SENP5: variants seen among roughly 807,000 people sequenced by gnomAD.
The protein encoded by SENP5 is SUMO specific peptidase 5.
SENP5 carries 21 observed loss-of-function variants against 74.2 expected under a neutral mutation model. That is an observed-to-expected ratio of 0.28 (90% CI 0.20 to 0.41). The LOEUF is 0.41. Among genes scored for constraint, SENP5 ranks in the 10% least tolerant of loss-of-function variants. SENP5 has a pLI of 1.00. For synonymous variants in SENP5, 311 were observed against 312.7 expected (o/e 0.99, Z 0.06); for missense variants, 717 against 889.1 (o/e 0.81, Z 2.46).
intron 2 of SENP5, among the ~76,000 whole-genome samples, chr3:196,899,066 G>A (rs1714587593): frequency 7.3e-6 from 1 of 137,874 alleles, no homozygotes; most frequent in African/African-American, 2.8e-5. Context: ...GCAACAGAGC[G>A]AGACGCCATC....
At chr3:196,900,163 G>T (rs1714639513) in intron 4 of SENP5, 101 bp downstream of exon 4, 1 of 1,443,492 alleles carries the variant, frequency 6.9e-7, no homozygotes, top group African/African-American at 1.4e-5. Flanking sequence ...TTGGAATAAG[G>T]ATTCTTCATT....
chr3:196,930,742 A>G (rs1716004454), intron 9 of SENP5, 71 bp from the exon 10 acceptor site: 2 of 972,850 alleles, frequency 2.1e-6, no homozygotes, highest in Non-Finnish European at 3.4e-6. Context: ...GTCTGCATTT[A>G]GTAAAACAGA....
At chr3:196,915,336 A>G (rs568930221) in intron 6 of SENP5, among the ~76,000 whole-genome samples, 1 of 152,282 alleles carries the variant, frequency 6.6e-6, no homozygotes, top group South Asian at 2.1e-4. Flanking sequence ...CGGAGAGGAA[A>G]GAGTACAGAA....
intron 6 of SENP5, among the ~76,000 whole-genome samples, chr3:196,911,100 C>T (rs1715105507): frequency 6.6e-6 from 1 of 152,122 alleles, no homozygotes; most frequent in Admixed American, 6.5e-5. Context: ...TTGTAAAACA[C>T]AAAATCGTAA....
chr3:196,871,681 C>T (rs1006792583), intron 1 of SENP5, among the ~76,000 whole-genome samples: 3 of 151,704 alleles, frequency 2.0e-5, no homozygotes, highest in Non-Finnish European at 4.4e-5. Context: ...ATAATGAGAC[C>T]CCATCTCTAC....
At chr3:196,870,972 AGCCTG>A (rs1713190183) in intron 1 of SENP5, among the ~76,000 whole-genome samples, 1 of 149,888 alleles carries the variant, frequency 6.7e-6, no homozygotes, top group African/African-American at 2.4e-5. Flanking sequence ...GTTAGAGAAC[AGCCTG>A]GCCAACATGG....
chr3:196,918,987 ATCTATCTATCTG>A (rs1715503003), intron 6 of SENP5, among the ~76,000 whole-genome samples: 2 of 152,162 alleles, frequency 1.3e-5, no homozygotes, highest in African/African-American at 4.8e-5. Context: ...GTATCTATCT[ATCTATCTATCTG>A]TCTCCACACA....
At chr3:196,899,900 T>A in intron 3 of SENP5, 24 bp from the exon 4 acceptor site, 1 of 1,609,606 alleles carries the variant, frequency 6.2e-7, no homozygotes, top group South Asian at 1.1e-5. Flanking sequence ...TTTTACCTTT[T>A]GTTTCAAAAT....
Position 196,931,658 on chromosome 3 carries a change from T to TAA in SENP5, c.*737_*738dup, listed in dbSNP as rs886895057. On this transcript the variant is annotated 3_prime_UTR_variant, in exon 10 of 10. Transcript: ENST00000323460. ...ATTATAATACGTGGCATACATCTCA[T>TAA]AAAGGCTTTTGCTGGGATATTGAAT... 1 of 283,340 alleles carries TAA rather than the reference T, an allele frequency of 3.5e-6. No individual in the cohort carries two copies. 17.6% of individuals were successfully genotyped at this position (283,340 alleles called of 1,614,324 possible).
chr3:196,930,706 G>T, intron 9 of SENP5, 107 bp from the exon 10 acceptor site: 1 of 726,954 alleles, frequency 1.4e-6, no homozygotes, highest in South Asian at 1.7e-5. Flanking sequence ...AAAAAGGTTG[G>T]GGTCTTCTGC....
At chr3:196,928,069 G>A (rs916184414) in intron 8 of SENP5, among the ~76,000 whole-genome samples, 190 bp downstream of exon 8, 1 of 152,098 alleles carries the variant, frequency 6.6e-6, no homozygotes, top group African/African-American at 2.4e-5. Flanking sequence ...AGTGCTTCCC[G>A]GGAGCAAATC....
rs868477572 is a variant in SENP5 at position 196,899,778 on chromosome 3, A to C, written c.1619+7A>C. 6.4e-7 allele frequency: 1 copy of C among 1,561,186 alleles called. No individual in the cohort carries two copies. Among genetic ancestry groups the C allele is most frequent in the African/African-American group, 1.4e-5 (1 of 73,712 alleles). ...ATGAAGACTTTTCTAATAGGTATAT[A>C]AATGATGCTAAAGTTAAGCCCTTGA... On this transcript the variant is annotated splice_region_variant and intron_variant, in intron 3 of 9. Transcript: ENST00000323460.
At chr3:196,899,513 A>G (rs1329366203) in intron 2 of SENP5, among the ~76,000 whole-genome samples, 153 bp from the exon 3 acceptor site, 3 of 152,236 alleles carry the variant, frequency 2.0e-5, no homozygotes, top group South Asian at 4.1e-4. Context: ...TACAAAAGAC[A>G]TAACTTTAAA....
intron 6 of SENP5, among the ~76,000 whole-genome samples, chr3:196,913,647 CTTTTTTTTT>C (rs1229412806): frequency 1.0e-5 from 1 of 98,090 alleles, no homozygotes; most frequent in Non-Finnish European, 2.1e-5. Context: ...ATAAGAAAGG[CTTTTTTTTT>C]TTTTTTTTTT....
intron 1 of SENP5, among the ~76,000 whole-genome samples, chr3:196,869,350 C>T (rs1393785974): frequency 6.6e-6 from 1 of 151,516 alleles, no homozygotes; most frequent in African/African-American, 2.4e-5. Flanking sequence ...ATTACAGGTG[C>T]CCGCCATCGC....
chr3:196,899,447 C>G (rs1298017505), intron 2 of SENP5, among the ~76,000 whole-genome samples: 1 of 152,258 alleles, frequency 6.6e-6, no homozygotes, highest in South Asian at 2.1e-4. Flanking sequence ...TGAAATGATT[C>G]CTCACAGTAT....
chr3:196,918,561 C>G (rs1715482395), intron 6 of SENP5, among the ~76,000 whole-genome samples: 1 of 151,564 alleles, frequency 6.6e-6, no homozygotes, highest in South Asian at 2.1e-4. Context: ...ACTATACTAC[C>G]AGAGAAAATC....
At chr3:196,896,619 ATTTTTGTAGT>A (rs1714453125) in intron 2 of SENP5, among the ~76,000 whole-genome samples, 1 of 152,084 alleles carries the variant, frequency 6.6e-6, no homozygotes, top group African/African-American at 2.4e-5. Context: ...TGCCCGGCTA[ATTTTTGTAGT>A]TTTAGCATAG....
intron 6 of SENP5, among the ~76,000 whole-genome samples, chr3:196,907,428 C>A (rs1714947538): frequency 6.7e-6 from 1 of 149,522 alleles, no homozygotes; most frequent in African/African-American, 2.5e-5. Flanking sequence ...TGCACTCCAG[C>A]CTGGGCGACA....
Sources: allele counts gnomAD v4.1 joint callset (sites outside exome capture counted in the v4.1 genomes callset), GRCh38; gene constraint gnomAD v4.1.1; transcripts MANE v1.5; gene names NCBI Gene and HGNC (gene_info 2026-07-23, HGNC 2026-07-21).